ABCG8: variants seen among roughly 807,000 people sequenced by gnomAD.
ABCG8 encodes ATP-binding cassette sub-family G member 8.
Under a neutral mutation model 71.3 loss-of-function variants are expected in ABCG8, and 81 were observed. The ratio of observed to expected loss-of-function variants is 1.14; its 90% CI spans 0.95 to 1.37. ABCG8 has a LOEUF of 1.37. Among genes scored for constraint, ABCG8 ranks in the 40% most tolerant of loss-of-function variants. ABCG8 has a pLI of 0.00. For synonymous variants in ABCG8, 451 were observed against 354.7 expected, an observed-to-expected ratio of 1.27 and a Z score of -3.05; for missense variants, 1,119 against 866.2, an observed-to-expected ratio of 1.29 and a Z score of -3.66.
chr2:43,851,623 G>A lies in ABCG8; in HGVS notation c.362G>A (p.Arg121Gln), dbSNP rs368426690. The change falls in exon 4 of 13, where the codon CGA becomes CAA. Residue 121 changes from arginine to glutamine, a missense_variant. Coordinates refer to ENST00000272286, the MANE Select transcript of ABCG8 (RefSeq NM_022437.3). ...TCCTTGCTAGATGTGATCACTGGCC[G>A]AGGTCACGGCGGCAAGATCAAGTCA... ...RASLLDVITG[R>Q]GHGGKIKSGQ... is the part of the protein sequence containing the mutation. 11 of 1,614,088 alleles carry A rather than the reference G, an allele frequency of 6.8e-6. No individual in the cohort carries two copies. In the African/African-American group the frequency reaches 1.1e-4, roughly 16 times the overall value.
At chr2:43,865,621 G>T (rs1456880925) in intron 6 of ABCG8, among the ~76,000 whole-genome samples, 2 of 148,136 alleles carry the variant, frequency 1.4e-5, no homozygotes. Context: ...CTCACTATCT[G>T]GATAGAATTC....
intron 3 of ABCG8, among the ~76,000 whole-genome samples, chr2:43,849,592 A>G (rs60391771): frequency 0.035 from 5,393 of 152,088 alleles, 329 homozygotes; most frequent in African/African-American, 0.12. Flanking sequence ...GTCTCCCCAG[A>G]TGCCACAGGC....
At chr2:43,853,810 C>T (rs915243443) in intron 6 of ABCG8, among the ~76,000 whole-genome samples, 3 of 152,198 alleles carry the variant, frequency 2.0e-5, no homozygotes, top group African/African-American at 7.2e-5. Flanking sequence ...TGGTGCCCAG[C>T]CCTGGCTGTG....
intron 6 of ABCG8, among the ~76,000 whole-genome samples, chr2:43,857,508 A>G (rs1669154982): frequency 6.6e-6 from 1 of 151,250 alleles, no homozygotes; most frequent in South Asian, 2.1e-4. Flanking sequence ...TCTGGAAAGA[A>G]CCCTCACTAT....
At position 43,878,039 on chromosome 2, in the gene ABCG8, C is replaced by A; in HGVS notation, c.*126C>A. The A allele has an allele frequency of 7.0e-7, 1 of 1,424,796 alleles. No homozygotes were observed. The highest frequency in any genetic ancestry group is 9.7e-7 in the Non-Finnish European group (1 of 1,033,104). The allele number at this position is 1,424,796 out of a possible 1,614,324, so 88.3% of individuals were successfully genotyped here. The stretch of plus-strand genomic sequence containing the variant: ...CCTACAGATGCTCAGCTACATCCGG[C>A]CCAGGGTGCTGCAGTGGCACAGACC... On this transcript the variant is annotated 3_prime_UTR_variant, in exon 13 of 13. Coordinates refer to ENST00000272286, the MANE Select transcript of ABCG8 (RefSeq NM_022437.3).
rs998348045 is a variant in ABCG8, at chr2:43,877,598, G to C, written c.1794G>C (p.Trp598Cys). Residue 598 changes from tryptophan (W) to cysteine (C), a missense_variant, in exon 12 of 13, where the codon TGG becomes TGC. Physicochemically the swap from Trp to Cys is radical, Grantham distance 215. Coordinates refer to ENST00000272286, the MANE Select transcript of ABCG8 (RefSeq NM_022437.3). Reference protein sequence around the residue: ...AWISKVSFLRWCFEGLMKIQF... With the variant: ...AWISKVSFLRCCFEGLMKIQF... The stretch of plus-strand genomic sequence containing the variant: ...TTTCCAAAGTGTCCTTCCTGCGGTG[G>C]TGTTTTGAAGGGCTGATGAAGATTC... 6.2e-7 allele frequency: 1 copy of C among 1,614,134 alleles called. No individual in the cohort carries two copies. The highest frequency in any genetic ancestry group is 1.7e-5 in the Admixed American group (1 of 60,028).
intron 1 of ABCG8, among the ~76,000 whole-genome samples, chr2:43,841,975 GC>G (rs151262753): frequency 0.035 from 5,293 of 152,128 alleles, 140 homozygotes; most frequent in Non-Finnish European, 0.05. Context: ...ACAGCAAGAT[GC>G]ATGTTAGCCC....
intron 1 of ABCG8, among the ~76,000 whole-genome samples, chr2:43,844,001 G>A (rs1280604899): frequency 6.6e-6 from 1 of 152,170 alleles, no homozygotes; most frequent in Non-Finnish European, 1.5e-5. Context: ...TTTTCTCAGG[G>A]TGGTATCTTC....
chr2:43,839,403 C>CTTTTTTTTTTTTTTTTTTTTT lies in ABCG8; in HGVS notation c.63+308_63+328dup, dbSNP rs537784677. Among the ~76,000 whole-genome samples, 34 of 59,306 alleles carry CTTTTTTTTTTTTTTTTTTTTT rather than the reference C, an allele frequency of 5.7e-4. 9 individuals carry two copies. The highest frequency in any genetic ancestry group is 9.6e-4 in the Non-Finnish European group (30 of 31,218). The allele number at this position is 59,306 out of a possible 152,430, so 38.9% of individuals were successfully genotyped here. On this transcript the variant is annotated intron_variant, in intron 1 of 12. Coordinates refer to ENST00000272286, the MANE Select transcript of ABCG8 (RefSeq NM_022437.3). ...CACTTTTTCTTTTTTCTTTTCTTCTCTTTTTTTTTTTTTTTTTTTTTTTTT... is the reference window on the plus strand; with the variant it reads ...CACTTTTTCTTTTTTCTTTTCTTCTCTTTTTTTTTTTTTTTTTTTTTTTTTTTTTTTTTTTTTTTTTTTTTT...
At chr2:43,856,352 C>T (rs1669106739) in intron 6 of ABCG8, among the ~76,000 whole-genome samples, 1 of 135,406 alleles carries the variant, frequency 7.4e-6, no homozygotes. Context: ...ATAGAACTCT[C>T]ACACCCTGTC....
intron 2 of ABCG8, among the ~76,000 whole-genome samples, chr2:43,844,942 T>C (rs974151282): frequency 6.6e-6 from 1 of 152,084 alleles, no homozygotes; most frequent in African/African-American, 2.4e-5. Context: ...TAACACAGTG[T>C]TTCCATATAC....
rs1670039436 is a variant in ABCG8, at chr2:43,878,691, C to G, written c.*778C>G. 6.5e-6 allele frequency: 1 copy of G among 153,090 alleles called. No individual in the cohort carries two copies. The highest frequency in any genetic ancestry group is 1.5e-5 in the Non-Finnish European group (1 of 68,734). The allele number at this position is 153,090 out of a possible 1,614,324, so 9.5% of individuals were successfully genotyped here. On this transcript the variant is annotated 3_prime_UTR_variant, in exon 13 of 13. Transcript: ENST00000272286. ...TGTAAGCCTTAGGAGTTTAGGAAGGCTCCAGAAGACAAATGGGGTCTGTAG... is the reference window on the plus strand; with the variant it reads ...TGTAAGCCTTAGGAGTTTAGGAAGGGTCCAGAAGACAAATGGGGTCTGTAG...
At chr2:43,844,747 C>A in intron 2 of ABCG8, 139 bp downstream of exon 2, 2 of 684,358 alleles carry the variant, frequency 2.9e-6, no homozygotes, top group Non-Finnish European at 2.7e-6. Context: ...TGATGCCTCA[C>A]GTGTCAGGTG....
intron 1 of ABCG8, among the ~76,000 whole-genome samples, chr2:43,840,840 C>T (rs1193043450): frequency 2.0e-5 from 3 of 152,136 alleles, no homozygotes; most frequent in African/African-American, 7.2e-5. Context: ...TCCTGCCTAC[C>T]TGCATTGCAG....
At chr2:43,846,616 T>G (rs1049087114) in intron 3 of ABCG8, 3 of 400,668 alleles carry the variant, frequency 7.5e-6, no homozygotes, top group South Asian at 6.4e-5. Context: ...AGCTCCAGCA[T>G]GTAATGTTCT....
intron 6 of ABCG8, among the ~76,000 whole-genome samples, chr2:43,870,142 A>G (rs767316759): frequency 1.3e-5 from 2 of 151,580 alleles, no homozygotes; most frequent in Admixed American, 6.6e-5. Flanking sequence ...TCTGGATGGA[A>G]CTCTCACTAC....
chr2:43,839,215 C>G (rs757235723), intron 1 of ABCG8, 99 bp downstream of exon 1: 5 of 1,295,110 alleles, frequency 3.9e-6, no homozygotes, highest in South Asian at 1.3e-5. Flanking sequence ...TAGCACCACC[C>G]GGACATCAAG....
chr2:43,865,811 A>G (rs1017327626), intron 6 of ABCG8, among the ~76,000 whole-genome samples: 2 of 148,048 alleles, frequency 1.4e-5, no homozygotes, highest in African/African-American at 5.0e-5. Flanking sequence ...AACTTTCACT[A>G]TCTGTCTAGA....
chr2:43,859,843 ATCTGGATAGAATTCTCACTC>A (rs1210596111), intron 6 of ABCG8, among the ~76,000 whole-genome samples: 2 of 150,904 alleles, frequency 1.3e-5, no homozygotes, highest in Non-Finnish European at 3.0e-5. Context: ...AACTTTCACT[ATCTGGATAGAATTCTCACTC>A]TCTGGATAGA....
Sources: allele counts gnomAD v4.1 joint callset (sites outside exome capture counted in the v4.1 genomes callset), GRCh38; gene constraint gnomAD v4.1.1; transcripts MANE v1.5; gene names NCBI Gene and HGNC (gene_info 2026-07-23, HGNC 2026-07-21).